Variants in AKAP19 observed in about 807,000 individuals in gnomAD.
AKAP19 encodes the protein small A-kinase anchoring protein.
chr2:189,968,794 T>C, the AKAP19 span, among the ~76,000 whole-genome samples: 2 of 152,090 alleles, frequency 1.3e-5, no homozygotes, highest in Non-Finnish European at 2.9e-5. Flanking sequence ...AAATTTCACT[T>C]CACCAGGAAG....
the AKAP19 span, among the ~76,000 whole-genome samples, chr2:190,166,333 T>TTTC: frequency 7.0e-6 from 1 of 143,190 alleles, no homozygotes; most frequent in Non-Finnish European, 1.5e-5. Flanking sequence ...TTTTTTTTTT[T>TTTC]TTTTTTTTGC....
chr2:189,906,991 A>G, the AKAP19 span, among the ~76,000 whole-genome samples: 7 of 152,226 alleles, frequency 4.6e-5, no homozygotes, highest in African/African-American at 1.4e-4. Flanking sequence ...GGAGGGAATT[A>G]CATAAAAGTC....
At chr2:189,910,009 G>A in the AKAP19 span, among the ~76,000 whole-genome samples, 1 of 151,486 alleles carries the variant, frequency 6.6e-6, no homozygotes, top group Admixed American at 6.6e-5. Flanking sequence ...ATTTGTGCTT[G>A]GATAGGCTTC....
At chr2:189,957,982 C>T in the AKAP19 span, among the ~76,000 whole-genome samples, 10 of 152,116 alleles carry the variant, frequency 6.6e-5, no homozygotes, top group East Asian at 1.9e-4. Context: ...TCAGTAGAGA[C>T]GGGGTTTCAC....
chr2:190,170,193 A>C, the AKAP19 span, among the ~76,000 whole-genome samples: 1 of 152,206 alleles, frequency 6.6e-6, no homozygotes. Context: ...CACTAATTCC[A>C]TCCTGAGGGC....
chr2:189,887,126 G>A, the AKAP19 span, among the ~76,000 whole-genome samples: 1 of 152,124 alleles, frequency 6.6e-6, no homozygotes, highest in Non-Finnish European at 1.5e-5. Context: ...TTCTCCTAAT[G>A]CTATCCCTTC....
the AKAP19 span, among the ~76,000 whole-genome samples, chr2:190,051,986 C>T: frequency 6.6e-5 from 10 of 152,050 alleles, no homozygotes; most frequent in South Asian, 1.5e-3. Context: ...TACAGGCGCC[C>T]GCCACCACGC....
chr2:189,899,672 C>T, the AKAP19 span, among the ~76,000 whole-genome samples: 2 of 152,022 alleles, frequency 1.3e-5, no homozygotes, highest in Non-Finnish European at 2.9e-5. Context: ...TGGCTGTTGC[C>T]CTTTTTCATC....
the AKAP19 span, among the ~76,000 whole-genome samples, chr2:190,118,664 A>G: frequency 0.26 from 39,674 of 152,116 alleles, 5,295 homozygotes; most frequent in Non-Finnish European, 0.28. Context: ...ACAAAATTCA[A>G]CAGCCCTTCA....
chr2:190,194,248 T>G, the AKAP19 span, among the ~76,000 whole-genome samples: 1 of 152,184 alleles, frequency 6.6e-6, no homozygotes, highest in African/African-American at 2.4e-5. Context: ...GAATATCAAC[T>G]CAAGTTGGAG....
the AKAP19 span, among the ~76,000 whole-genome samples, chr2:189,939,911 C>T: frequency 2.0e-5 from 3 of 151,852 alleles, no homozygotes; most frequent in South Asian, 2.1e-4. Flanking sequence ...TTTGGGAGGC[C>T]GAGGCAGGTG....
the AKAP19 span, among the ~76,000 whole-genome samples, chr2:189,904,606 C>T: frequency 6.6e-6 from 1 of 151,940 alleles, no homozygotes; most frequent in Non-Finnish European, 1.5e-5. Context: ...TTTAAAGTCA[C>T]TTTTGTGGTA....
At chr2:190,121,055 T>C in the AKAP19 span, among the ~76,000 whole-genome samples, 2 of 151,718 alleles carry the variant, frequency 1.3e-5, no homozygotes, top group South Asian at 4.1e-4. Context: ...TAAAATTTGA[T>C]AGATTATTAA....
the AKAP19 span, among the ~76,000 whole-genome samples, chr2:189,956,908 C>A: frequency 6.6e-6 from 1 of 152,204 alleles, no homozygotes; most frequent in Admixed American, 6.5e-5. Flanking sequence ...ATGATAATTT[C>A]AATTCAGCTT....
At chr2:190,166,384 T>C in the AKAP19 span, among the ~76,000 whole-genome samples, 13,452 of 144,738 alleles carry the variant, frequency 0.093, 681 homozygotes, top group Middle Eastern at 0.15. Flanking sequence ...TGTTCCTATC[T>C]TATATAACCT....
the AKAP19 span, among the ~76,000 whole-genome samples, chr2:189,954,724 A>G: frequency 1.3e-5 from 2 of 152,224 alleles, no homozygotes; most frequent in Non-Finnish European, 2.9e-5. Flanking sequence ...ATGTCAGAGT[A>G]ATTTATTTGG....
chr2:190,104,756 C>T, the AKAP19 span, among the ~76,000 whole-genome samples: 1 of 152,096 alleles, frequency 6.6e-6, no homozygotes, highest in Admixed American at 6.6e-5. Flanking sequence ...CACCACCGCA[C>T]CCTGGCTTAG....
the AKAP19 span, among the ~76,000 whole-genome samples, chr2:190,014,187 G>A: frequency 6.6e-6 from 1 of 152,042 alleles, no homozygotes; most frequent in African/African-American, 2.4e-5. Flanking sequence ...TCCATTGGTT[G>A]TTGTATTAGT....
chr2:189,965,457 A>C, the AKAP19 span, among the ~76,000 whole-genome samples: 4 of 152,162 alleles, frequency 2.6e-5, no homozygotes, highest in East Asian at 7.7e-4. Flanking sequence ...GCAAGAAAAA[A>C]ACCAACAGTC....
Sources: allele counts gnomAD v4.1 joint callset (sites outside exome capture counted in the v4.1 genomes callset), GRCh38; gene constraint gnomAD v4.1.1; transcripts MANE v1.5; gene names NCBI Gene and HGNC (gene_info 2026-07-23, HGNC 2026-07-21).